The following TRPC5 variants were observed in gnomAD, a reference collection of about 807,000 sequenced individuals.
The protein encoded by TRPC5 is short transient receptor potential channel 5.
TRPC5 carries 9 observed loss-of-function variants against 56.5 expected under a neutral mutation model. That is an observed-to-expected ratio of 0.16 (90% confidence interval 0.10 to 0.28). The LOEUF is 0.28. Ranked by LOEUF, TRPC5 falls within the 10% of genes least tolerant of loss-of-function variation. The pLI, the probability that TRPC5 is intolerant of heterozygous loss-of-function variation, is 1.00. For synonymous variants in TRPC5, 282 were observed against 278.5 expected, an observed-to-expected ratio of 1.01 and a Z score of -0.13; for missense variants, 469 against 748.9, an observed-to-expected ratio of 0.63 and a Z score of 4.36.
At chrX:112,029,987 C>T in intron 1 of TRPC5, among the ~76,000 whole-genome samples, 1 of 111,385 alleles carries the variant, frequency 9.0e-6, no homozygotes, top group East Asian at 2.8e-4. Context: ...GCAACCACGC[C>T]TGGCTATTTG....
chrX:112,053,937 T>C (rs1447642037), intron 1 of TRPC5, among the ~76,000 whole-genome samples: 1 of 112,137 alleles, frequency 8.9e-6, no homozygotes, highest in Non-Finnish European at 1.9e-5. Context: ...GATTTACATG[T>C]ATCTAAAGTT....
In TRPC5 at chrX:111,818,812, C is replaced by T. The variant is rs185160869; in HGVS notation, c.1896+16109G>A. Among the ~76,000 whole-genome samples, 141 of 109,936 alleles carry T rather than the reference C, an allele frequency of 1.3e-3. 1 individual carries two copies. Among genetic ancestry groups the T allele is most frequent in the Non-Finnish European group, 2.4e-3 (127 of 52,661 alleles). Reference sequence around the variant, plus strand: ...AGAGGCGGGGTTTCTCCATATTGGTCAGGCTGGTCTCGAACTCCTGACCTC... The same window carrying T: ...AGAGGCGGGGTTTCTCCATATTGGTTAGGCTGGTCTCGAACTCCTGACCTC... On this transcript the variant is annotated intron_variant, in intron 7 of 10. Transcript: ENST00000262839.
chrX:112,044,809 A>G (rs1353221609), intron 1 of TRPC5, among the ~76,000 whole-genome samples: 1 of 111,749 alleles, frequency 8.9e-6, no homozygotes, highest in Admixed American at 9.5e-5. Context: ...CTAATCCTTC[A>G]TGATTATACT....
chrX:111,906,576 G>A (rs1240519980), intron 3 of TRPC5, among the ~76,000 whole-genome samples: 2 of 111,100 alleles, frequency 1.8e-5, no homozygotes, highest in Non-Finnish European at 3.8e-5. Context: ...CAGCTCTGTT[G>A]CAGCACATTT....
chrX:112,018,982 T>C (rs1230040609), intron 1 of TRPC5, among the ~76,000 whole-genome samples: 1 of 112,544 alleles, frequency 8.9e-6, no homozygotes, highest in Non-Finnish European at 1.9e-5. Context: ...GTCAGCTGGA[T>C]CCTGTCTCTC....
intron 7 of TRPC5, among the ~76,000 whole-genome samples, chrX:111,782,806 A>AACACACACACACACACACACACAC (rs1186498788): frequency 3.9e-4 from 36 of 92,124 alleles, no homozygotes; most frequent in African/African-American, 1.4e-3. Context: ...CATTATAATC[A>AACACACACACACACACACACACAC]ACACACACAC....
chrX:111,979,216 TGG>T (rs1928011883), intron 1 of TRPC5, among the ~76,000 whole-genome samples: 1 of 111,444 alleles, frequency 9.0e-6, no homozygotes, highest in African/African-American at 3.2e-5. Flanking sequence ...AGGCAATTCG[TGG>T]ATAAAGAAGG....
chrX:111,793,599 G>C (rs1240284953), intron 7 of TRPC5, among the ~76,000 whole-genome samples: 2 of 111,475 alleles, frequency 1.8e-5, no homozygotes, highest in Non-Finnish European at 3.8e-5. Flanking sequence ...TACACTGCTC[G>C]TGTGTGTGTA....
At chrX:111,861,428 T>C (rs1424856228) in intron 3 of TRPC5, among the ~76,000 whole-genome samples, 1 of 112,286 alleles carries the variant, frequency 8.9e-6, no homozygotes, top group Non-Finnish European at 1.9e-5. Flanking sequence ...TTATTTAATT[T>C]TAAGACAATT....
intron 1 of TRPC5, among the ~76,000 whole-genome samples, chrX:111,957,673 G>T (rs915479832): frequency 6.3e-5 from 7 of 111,716 alleles, no homozygotes; most frequent in African/African-American, 2.3e-4. Flanking sequence ...CTATGAGAGT[G>T]CCAGCAATAG....
intron 1 of TRPC5, among the ~76,000 whole-genome samples, chrX:112,067,850 G>A (rs772666666): frequency 4.5e-5 from 5 of 112,270 alleles, no homozygotes; most frequent in Non-Finnish European, 9.4e-5. Context: ...TAGCTGTCAA[G>A]GTCACTGCAT....
intron 3 of TRPC5, chrX:111,901,913 A>G: frequency 8.7e-7 from 1 of 1,154,102 alleles, no homozygotes; most frequent in Non-Finnish European, 1.1e-6. Context: ...CCAGTTAATA[A>G]GAATAGCTGA....
intron 1 of TRPC5, among the ~76,000 whole-genome samples, chrX:112,057,451 G>A (rs955409045): frequency 1.8e-5 from 2 of 111,516 alleles, no homozygotes; most frequent in African/African-American, 6.5e-5. Flanking sequence ...TATTATTCCT[G>A]GAGACAGAAA....
At chrX:111,858,356 T>G (rs1316251308) in intron 3 of TRPC5, among the ~76,000 whole-genome samples, 1 of 111,423 alleles carries the variant, frequency 9.0e-6, no homozygotes, top group Non-Finnish European at 1.9e-5. Flanking sequence ...GCAGTAGGTT[T>G]TTATTTTAAT....
intron 3 of TRPC5, among the ~76,000 whole-genome samples, chrX:111,910,782 T>C (rs1310796256): frequency 8.9e-6 from 1 of 112,588 alleles, no homozygotes; most frequent in African/African-American, 3.2e-5. Context: ...TCTGCCAGCC[T>C]TGGCCTCCCA....
chrX:111,807,093 C>T (rs1921538146), intron 7 of TRPC5, among the ~76,000 whole-genome samples: 1 of 111,427 alleles, frequency 9.0e-6, no homozygotes, highest in South Asian at 3.7e-4. Context: ...CCTTCTTGTA[C>T]TTGAATATTA....
At chrX:111,914,018 G>A (rs1332890514) in intron 2 of TRPC5, among the ~76,000 whole-genome samples, 1 of 109,290 alleles carries the variant, frequency 9.1e-6, no homozygotes, top group Non-Finnish European at 1.9e-5. Context: ...GTCCAGTAGG[G>A]AAACTGAGGC....
At position 111,897,625 on chromosome X, in the gene TRPC5, A is replaced by C. The variant is rs190767580; in HGVS notation, c.900+14666T>G. Among the ~76,000 whole-genome samples, 5 of 111,842 alleles carry C rather than the reference A, an allele frequency of 4.5e-5. No individual in the cohort carries two copies. The Admixed American group carries it at 4.8e-4, about 11-fold the overall frequency. ...TTTTCTAAAATTGTATATGGATGGA[A>C]TCATACAGCATATAATCTTTTGTGT... On this transcript the variant is annotated intron_variant, in intron 3 of 10. Coordinates refer to ENST00000262839, the MANE Select transcript of TRPC5 (RefSeq NM_012471.3).
At chrX:111,889,093 A>G (rs1924678022) in intron 3 of TRPC5, among the ~76,000 whole-genome samples, 1 of 112,300 alleles carries the variant, frequency 8.9e-6, no homozygotes, top group African/African-American at 3.2e-5. Context: ...AAGCTGGCTA[A>G]ATAAATTTGG....
Sources: gnomAD v4.1 joint callset for allele counts (sites outside exome capture counted in the v4.1 genomes callset) on GRCh38, gnomAD v4.1.1 for gene constraint, MANE v1.5 for transcripts, NCBI Gene and HGNC (gene_info 2026-07-23, HGNC 2026-07-21) for gene names.